Variants in ADAMTS16 observed in about 807,000 individuals in gnomAD.
ADAMTS16 encodes ADAM metallopeptidase with thrombospondin type 1 motif 16.
In ADAMTS16, 94 loss-of-function variants were observed where a neutral mutation model predicts 145.8. That is an observed-to-expected ratio of 0.64 (90% CI 0.55 to 0.77). The LOEUF (loss-of-function observed/expected upper bound fraction) is 0.77, where lower values mean the gene tolerates loss of function less well. Among genes scored for constraint, ADAMTS16 ranks in the 30% least tolerant of loss-of-function variants. ADAMTS16 has a pLI of 0.00. For missense variants in ADAMTS16, 1,585 were observed against 1,591.5 expected (o/e 1.00, Z 0.07); for synonymous variants, 659 against 604.3 (o/e 1.09, Z -1.33).
intron 15 of ADAMTS16, 65 bp from the exon 16 acceptor site, chr5:5,239,616 G>A (rs1214604329): frequency 1.3e-6 from 2 of 1,592,756 alleles, no homozygotes; most frequent in African/African-American, 2.7e-5. Flanking sequence ...GACTGGGGTT[G>A]CTTAGAGATT....
chr5:5,146,335 G>T lies in ADAMTS16; in HGVS notation c.381G>T (p.Thr127=), dbSNP rs777068228. The change falls in exon 3 of 23, where the codon ACG becomes ACT. Residue 127 remains threonine (T), a synonymous_variant. Transcript: ENST00000274181. ...SLVAPGFIVQ[T]LGKTGTKSVQ... ...TGGCTCCTGGCTTTATTGTGCAGAC[G>T]TTGGGAAAGACAGGCACTAAGTCTG... 2.5e-6 allele frequency: 4 copies of T among 1,614,040 alleles called. No individual in the cohort carries two copies. Among genetic ancestry groups the T allele is most frequent in the Non-Finnish European group, 3.4e-6 (4 of 1,180,036 alleles).
chr5:5,279,362 A>T (rs1051565740), intron 18 of ADAMTS16, among the ~76,000 whole-genome samples: 3 of 152,166 alleles, frequency 2.0e-5, no homozygotes, highest in Non-Finnish European at 2.9e-5. Flanking sequence ...CACTGTGGCT[A>T]CTGAGAAGTC....
At chr5:5,311,965 C>T (rs1740468255) in intron 21 of ADAMTS16, among the ~76,000 whole-genome samples, 1 of 152,138 alleles carries the variant, frequency 6.6e-6, no homozygotes, top group Non-Finnish European at 1.5e-5. Flanking sequence ...AATCCACTCG[C>T]CTCAGCCTCC....
At chr5:5,194,982 T>A (rs1399186611) in intron 8 of ADAMTS16, among the ~76,000 whole-genome samples, 2 of 152,220 alleles carry the variant, frequency 1.3e-5, no homozygotes, top group African/African-American at 4.8e-5. Flanking sequence ...ACTCATAGGT[T>A]TCTAACCTTT....
At chr5:5,306,867 C>T in intron 21 of ADAMTS16, 139 bp downstream of exon 21, 5 of 879,330 alleles carry the variant, frequency 5.7e-6, no homozygotes, top group Non-Finnish European at 8.5e-6. Context: ...CTTTCCAGAG[C>T]ATGTGCGGGT....
chr5:5,303,398 G>C lies in ADAMTS16; in HGVS notation c.2920G>C (p.Ala974Pro). ...CCCGGCCAGCCTGTGCCCTCAGCCT[G>C]CTCCCTCCAGCAGGCAGGCCTGCAA... ...PVPASLCPQP[A>P]PSSRQACNSQ... The change falls in exon 19 of 23, where the codon GCT becomes CCT. Residue 974 changes from alanine (A) to proline (P), a missense_variant. Physicochemically the swap from Ala to Pro is conservative, Grantham distance 27 (BLOSUM62 -1). Coordinates refer to ENST00000274181, the MANE Select transcript of ADAMTS16 (RefSeq NM_139056.4). 6.2e-7 allele frequency: 1 copy of C among 1,605,766 alleles called. No homozygotes were observed. The highest frequency in any genetic ancestry group is 8.5e-7 in the Non-Finnish European group (1 of 1,176,618).
intron 3 of ADAMTS16, among the ~76,000 whole-genome samples, chr5:5,163,983 G>A (rs1010936805): frequency 2.6e-5 from 4 of 152,190 alleles, no homozygotes; most frequent in Non-Finnish European, 5.9e-5. Flanking sequence ...TTGAGTTTGT[G>A]AATCTTACTA....
At chr5:5,238,232 T>C (rs1737172646) in intron 14 of ADAMTS16, among the ~76,000 whole-genome samples, 1 of 152,206 alleles carries the variant, frequency 6.6e-6, no homozygotes, top group African/African-American at 2.4e-5. Flanking sequence ...AATCCCTTAT[T>C]TGTAACTCTG....
At chr5:5,154,889 T>C (rs776825164) in intron 3 of ADAMTS16, among the ~76,000 whole-genome samples, 6 of 152,122 alleles carry the variant, frequency 3.9e-5, no homozygotes, top group Admixed American at 6.5e-5. Context: ...ATTCCCTGGG[T>C]GTAACAGAAG....
At chr5:5,311,286 G>A (rs1437068811) in intron 21 of ADAMTS16, among the ~76,000 whole-genome samples, 1 of 134,580 alleles carries the variant, frequency 7.4e-6, no homozygotes, top group Non-Finnish European at 1.6e-5. Context: ...TGGACCAGGC[G>A]AGTTTGACAT....
At chr5:5,250,134 T>C (rs1349573947) in intron 17 of ADAMTS16, among the ~76,000 whole-genome samples, 2 of 152,204 alleles carry the variant, frequency 1.3e-5, no homozygotes, top group African/African-American at 4.8e-5. Flanking sequence ...AAAGGCAACA[T>C]TCTTGCAAGA....
At chr5:5,257,848 G>A (rs563162700) in intron 17 of ADAMTS16, among the ~76,000 whole-genome samples, 50 of 152,256 alleles carry the variant, frequency 3.3e-4, no homozygotes, top group African/African-American at 1.2e-3. Flanking sequence ...TTCCAGTCTT[G>A]AGTCTCATGG....
chr5:5,184,159 G>A (rs1386145509), intron 4 of ADAMTS16, among the ~76,000 whole-genome samples: 1 of 152,138 alleles, frequency 6.6e-6, no homozygotes, highest in Non-Finnish European at 1.5e-5. Context: ...AGGGCCCTGT[G>A]TCACCTGCTC....
Position 5,317,561 on chromosome 5 carries a change from AT to A in ADAMTS16, c.3412-565del, listed in dbSNP as rs974874510. Among the ~76,000 whole-genome samples, 3 of 150,472 alleles carry A rather than the reference AT, an allele frequency of 2.0e-5. No individual in the cohort carries two copies. The highest frequency in any genetic ancestry group is 2.0e-4 in the East Asian group (1 of 5,088). The stretch of plus-strand genomic sequence containing the variant: ...AGGTGCCCACCACCAGGCCCAGCTA[AT>A]TTTTTTTCTTTTTTTAATAGAGACG... On this transcript the variant is annotated intron_variant, in intron 21 of 22. Coordinates refer to ENST00000274181, the MANE Select transcript of ADAMTS16 (RefSeq NM_139056.4). This position sits in a 1 kb window ranked among gnomAD's most constrained non-coding sequence, Gnocchi z 4.5.
intron 20 of ADAMTS16, among the ~76,000 whole-genome samples, chr5:5,305,055 A>C (rs1038488803): frequency 1.5e-5 from 1 of 66,024 alleles, no homozygotes; most frequent in Non-Finnish European, 3.1e-5. Flanking sequence ...ACACACACAC[A>C]TCCCACACCA....
At chr5:5,164,656 C>T (rs1448974847) in intron 3 of ADAMTS16, among the ~76,000 whole-genome samples, 1 of 152,126 alleles carries the variant, frequency 6.6e-6, no homozygotes, top group African/African-American at 2.4e-5. Flanking sequence ...AGGGCTTCAG[C>T]TTTGTTCTGT....
intron 17 of ADAMTS16, among the ~76,000 whole-genome samples, chr5:5,261,513 A>C (rs1738026129): frequency 8.4e-6 from 1 of 119,486 alleles, no homozygotes; most frequent in African/African-American, 3.3e-5. Flanking sequence ...TTTTTGTCAG[A>C]GTCTTGCTCT....
intron 18 of ADAMTS16, among the ~76,000 whole-genome samples, chr5:5,270,154 G>A (rs1738409714): frequency 6.6e-6 from 1 of 152,138 alleles, no homozygotes; most frequent in Non-Finnish European, 1.5e-5. Context: ...GAACCAAGTG[G>A]ATCTCCCCGT....
chr5:5,272,423 G>A (rs868471865), intron 18 of ADAMTS16, among the ~76,000 whole-genome samples: 20 of 147,736 alleles, frequency 1.4e-4, no homozygotes, highest in Admixed American at 2.7e-4. Context: ...GTGCAGTGGC[G>A]CAATCTCGGC....
Sources: gnomAD v4.1 joint callset for allele counts (sites outside exome capture counted in the v4.1 genomes callset) on GRCh38, gnomAD v4.1.1 for gene constraint, Gnocchi (gnomAD v3.1) non-coding constraint, MANE v1.5 for transcripts, NCBI Gene and HGNC (gene_info 2026-07-23, HGNC 2026-07-21) for gene names.